The following SERP2 variants were observed in gnomAD, a reference collection of about 807,000 sequenced individuals.
SERP2 encodes the protein stress-associated endoplasmic reticulum protein 2.
Under a neutral mutation model 9.1 loss-of-function variants are expected in SERP2, and 6 were observed. That is an observed-to-expected ratio of 0.66 (90% CI 0.36 to 1.30). SERP2 has a LOEUF of 1.30. Among genes scored for constraint, SERP2 ranks in the 50% most tolerant of loss-of-function variants. The pLI is 0.03. For missense variants in SERP2, 58 were observed against 81.9 expected (o/e 0.71, Z 1.13); for synonymous variants, 37 against 27.3 (o/e 1.35, Z -1.10).
At chr13:44,374,252 T>TGG in intron 1 of SERP2, 143 bp downstream of exon 1, 1 of 536,830 alleles carries the variant, frequency 1.9e-6, no homozygotes, top group Admixed American at 4.5e-5. Flanking sequence ...TCCTGCAGAG[T>TGG]GGGGGCTGAG....
chr13:44,383,938 A>G (rs1872171812), intron 2 of SERP2, among the ~76,000 whole-genome samples: 1 of 152,142 alleles, frequency 6.6e-6, no homozygotes. Context: ...ATGAAATGAG[A>G]GTTGAGCCAT....
chr13:44,380,698 C>A (rs1432172595), intron 2 of SERP2, among the ~76,000 whole-genome samples: 1 of 152,118 alleles, frequency 6.6e-6, no homozygotes, highest in African/African-American at 2.4e-5. Flanking sequence ...ATTTGGCATT[C>A]CAAGATGAGA....
At chr13:44,397,094 G>A (rs1422310197) in intron 2 of SERP2, among the ~76,000 whole-genome samples, 178 bp from the exon 3 acceptor site, 1 of 152,134 alleles carries the variant, frequency 6.6e-6, no homozygotes, top group Non-Finnish European at 1.5e-5. Flanking sequence ...GAGCGAGGCT[G>A]CCTTTTTAAA....
intron 2 of SERP2, among the ~76,000 whole-genome samples, chr13:44,387,479 T>C (rs941942697): frequency 6.6e-6 from 1 of 152,226 alleles, no homozygotes; most frequent in African/African-American, 2.4e-5. Flanking sequence ...GACAGCTGTC[T>C]TCGGCATTTC....
chr13:44,377,561 C>A (rs1355936905), intron 1 of SERP2, among the ~76,000 whole-genome samples: 3 of 152,232 alleles, frequency 2.0e-5, no homozygotes, highest in African/African-American at 4.8e-5. Context: ...TGATTAAGAG[C>A]AGCCACCGAT....
intron 2 of SERP2, among the ~76,000 whole-genome samples, chr13:44,382,294 G>A (rs1458792247): frequency 1.3e-5 from 2 of 151,488 alleles, no homozygotes; most frequent in South Asian, 2.1e-4. Flanking sequence ...AAAATTAGCC[G>A]GACCTGGTGG....
At chr13:44,394,729 A>T (rs1252061283) in intron 2 of SERP2, among the ~76,000 whole-genome samples, 1 of 152,216 alleles carries the variant, frequency 6.6e-6, no homozygotes, top group Non-Finnish European at 1.5e-5. Context: ...AGAACTGTGT[A>T]GTAATTTCCC....
At chr13:44,395,418 C>G (rs1873031286) in intron 2 of SERP2, among the ~76,000 whole-genome samples, 1 of 151,902 alleles carries the variant, frequency 6.6e-6, no homozygotes, top group Non-Finnish European at 1.5e-5. Flanking sequence ...TTCTGGCTAA[C>G]ACGGTGAAAT....
In SERP2 at chr13:44,394,161, G is replaced by A. The variant is rs150873636; in HGVS notation, c.158-3111G>A. Among the ~76,000 whole-genome samples, 1,241 of 151,680 alleles carry A rather than the reference G, an allele frequency of 8.2e-3. 10 individuals are homozygous for A. The highest frequency in any genetic ancestry group is 0.02 in the African/African-American group (808 of 41,378). ...TTTATTTATTTATTTTTTTTGAGAC[G>A]GAGTCTTGCTCTGTCACCCAGGCTG... On this transcript the variant is annotated intron_variant, in intron 2 of 2. Transcript: ENST00000379179.
At chr13:44,384,251 G>A (rs2138786451) in intron 2 of SERP2, among the ~76,000 whole-genome samples, 1 of 152,182 alleles carries the variant, frequency 6.6e-6, no homozygotes, top group East Asian at 1.9e-4. Context: ...CACCTCTCTG[G>A]AATTAGTCAC....
In SERP2 at chr13:44,389,819, A is replaced by G. The variant is rs541660377; in HGVS notation, c.158-7453A>G. On this transcript the variant is annotated intron_variant, in intron 2 of 2. Transcript: ENST00000379179. ...CCATGAGGGTGAGAAAGATCTGTTCATACAACTGTTTTGGCTACCATTTAT... is the reference window on the plus strand; with the variant it reads ...CCATGAGGGTGAGAAAGATCTGTTCGTACAACTGTTTTGGCTACCATTTAT... 2.0e-5 allele frequency among the ~76,000 whole-genome samples: 3 copies of G among 152,336 alleles called. No homozygotes were observed. The South Asian group carries it at 6.2e-4, about 32-fold the overall frequency.
intron 2 of SERP2, chr13:44,390,301 A>ACCCCCCC: frequency 1.3e-5 from 1 of 75,166 alleles, no homozygotes; most frequent in Non-Finnish European, 2.9e-5. Context: ...CGGTGTCCCC[A>ACCCCCCC]CCCACCCGCC....
chr13:44,393,682 C>A (rs930968254), intron 2 of SERP2, among the ~76,000 whole-genome samples: 1 of 152,220 alleles, frequency 6.6e-6, no homozygotes, highest in Non-Finnish European at 1.5e-5. Flanking sequence ...AGGGTCTAGA[C>A]TCCCCGCTTC....
chr13:44,387,702 T>C (rs1872397439), intron 2 of SERP2, among the ~76,000 whole-genome samples: 1 of 152,232 alleles, frequency 6.6e-6, no homozygotes, highest in African/African-American at 2.4e-5. Flanking sequence ...AATACGGTTG[T>C]ATTTCTCTCT....
At chr13:44,397,098 T>C (rs1481233588) in intron 2 of SERP2, among the ~76,000 whole-genome samples, 174 bp from the exon 3 acceptor site, 1 of 152,148 alleles carries the variant, frequency 6.6e-6, no homozygotes, top group Non-Finnish European at 1.5e-5. Context: ...GAGGCTGCCT[T>C]TTTAAAGAAG....
chr13:44,376,700 G>A (rs367642544), intron 1 of SERP2, among the ~76,000 whole-genome samples: 2 of 152,038 alleles, frequency 1.3e-5, no homozygotes, highest in South Asian at 2.1e-4. Context: ...GCTTGAACCC[G>A]GGAGGCAGAG....
chr13:44,384,773 C>T (rs1872218573), intron 2 of SERP2, among the ~76,000 whole-genome samples: 2 of 152,144 alleles, frequency 1.3e-5, no homozygotes, highest in Admixed American at 1.3e-4. Flanking sequence ...TGGTTGGTTA[C>T]TCTTATTTTG....
intron 2 of SERP2, among the ~76,000 whole-genome samples, chr13:44,381,336 T>G (rs1871966337): frequency 6.7e-6 from 1 of 149,522 alleles, no homozygotes; most frequent in Admixed American, 6.7e-5. Flanking sequence ...AGGTCTGGAG[T>G]TCGAGACCAT....
At chr13:44,373,749 C>T, upstream of SERP2, 1 of 398,026 alleles carries the variant, frequency 2.5e-6, no homozygotes, top group Non-Finnish European at 4.5e-6. The surrounding 1 kb of genome is among the most constrained non-coding windows in gnomAD (Gnocchi z 4.8). Flanking sequence ...GCCTCGGTGG[C>T]CGCGCGGGGT....
Sources: allele counts gnomAD v4.1 joint callset (sites outside exome capture counted in the v4.1 genomes callset), GRCh38; gene constraint gnomAD v4.1.1; non-coding constraint Gnocchi (gnomAD v3.1); transcripts MANE v1.5; gene names NCBI Gene and HGNC (gene_info 2026-07-23, HGNC 2026-07-21).